Variants in ADAM12 observed in about 807,000 individuals in gnomAD.
ADAM12 encodes disintegrin and metalloproteinase domain-containing protein 12.
In ADAM12, 70 loss-of-function variants were observed where a neutral mutation model predicts 106.4. The observed-to-expected ratio is 0.66, with a 90% CI of 0.54 to 0.80. ADAM12 has a LOEUF of 0.80. Ranked by LOEUF, ADAM12 falls within the 30% of genes least tolerant of loss-of-function variation. The pLI, the probability that ADAM12 is intolerant of heterozygous loss-of-function variation, is 0.00. For synonymous variants in ADAM12, 420 were observed against 433.5 expected (o/e 0.97, Z 0.39); for missense variants, 1,010 against 1,171.9 (o/e 0.86, Z 2.02).
At chr10:126,110,140 C>T (rs941844034) in intron 6 of ADAM12, among the ~76,000 whole-genome samples, 21 of 152,202 alleles carry the variant, frequency 1.4e-4, no homozygotes, top group African/African-American at 4.6e-4. Context: ...AAAACGAGCA[C>T]ATAAACAAAC....
rs1028945134 is a variant in ADAM12, at chr10:126,253,799, G to A, written c.260+25116C>T. 3.9e-5 allele frequency among the ~76,000 whole-genome samples: 6 copies of A among 152,058 alleles called. No individual in the cohort carries two copies. In the East Asian group the frequency reaches 7.7e-4, roughly 20 times the overall value. ...CTGGGATAAGCAGGGAATGAGATGCGGTTCTTGCCTGGCCTGAGCTGGCAC... is the reference window on the plus strand; with the variant it reads ...CTGGGATAAGCAGGGAATGAGATGCAGTTCTTGCCTGGCCTGAGCTGGCAC... On this transcript the variant is annotated intron_variant, in intron 3 of 22. Coordinates refer to ENST00000448723, the MANE Select transcript of ADAM12 (RefSeq NM_001288973.2).
intron 3 of ADAM12, among the ~76,000 whole-genome samples, chr10:126,225,227 C>G (rs1399336979): frequency 6.6e-6 from 1 of 152,210 alleles, no homozygotes; most frequent in East Asian, 1.9e-4. Context: ...GCTGCCTTTG[C>G]TAAAGCACCA....
At chr10:126,356,951 CAATGGGAATTATGG>C (rs996557253) in intron 1 of ADAM12, among the ~76,000 whole-genome samples, 4 of 152,066 alleles carry the variant, frequency 2.6e-5, no homozygotes, top group Admixed American at 1.3e-4. Flanking sequence ...TGAAGGAAGC[CAATGGGAATTATGG>C]AATACCATCA....
chr10:126,245,276 C>T (rs12250635), intron 3 of ADAM12, among the ~76,000 whole-genome samples: 7 of 152,088 alleles, frequency 4.6e-5, no homozygotes, highest in Middle Eastern at 3.4e-3. Flanking sequence ...TGGGACCTGA[C>T]GTGAACCTGC....
At chr10:126,085,732 A>G (rs1955326433) in intron 11 of ADAM12, among the ~76,000 whole-genome samples, 1 of 152,070 alleles carries the variant, frequency 6.6e-6, no homozygotes, top group African/African-American at 2.4e-5. Context: ...CCTATTATTT[A>G]TCTATCCTTC....
chr10:126,128,871 G>A (rs1230061504), intron 5 of ADAM12, among the ~76,000 whole-genome samples: 4 of 148,150 alleles, frequency 2.7e-5, no homozygotes, highest in South Asian at 4.3e-4. Flanking sequence ...GCGCCTGTGC[G>A]AGTGTGTGGT....
chr10:126,230,410 T>C (rs910148697), intron 3 of ADAM12, among the ~76,000 whole-genome samples: 2 of 152,230 alleles, frequency 1.3e-5, no homozygotes, highest in African/African-American at 2.4e-5. Flanking sequence ...TTCCTGAGGA[T>C]AAATCCCTGA....
In ADAM12 at chr10:126,093,548, C is replaced by T. The variant is rs112912303; in HGVS notation, c.1145+437G>A. Among the ~76,000 whole-genome samples, 1,071 of 152,316 alleles carry T rather than the reference C, an allele frequency of 7.0e-3. 18 individuals are homozygous for T. The highest frequency in any genetic ancestry group is 0.025 in the African/African-American group (1,039 of 41,566). On this transcript the variant is annotated intron_variant, in intron 11 of 22. Transcript: ENST00000448723. ...CCTGGGGAAAGAAATACCTTCTACC[C>T]AGCACCCTCTAAAGACATGTGGCCC...
chr10:126,027,793 C>G (rs1237435358), intron 21 of ADAM12, among the ~76,000 whole-genome samples: 2 of 151,954 alleles, frequency 1.3e-5, no homozygotes, highest in African/African-American at 4.8e-5. Context: ...CCTTGAAAAC[C>G]AGCACAAGAT....
chr10:126,386,600 T>A lies in ADAM12; in HGVS notation c.88+1458A>T, dbSNP rs578214728. ...TACCAAAGCTGAACTCATAAAATAG[T>A]AAAAGTCCTCCCCCGCCCACACACA... On this transcript the variant is annotated intron_variant, in intron 1 of 22. Coordinates refer to ENST00000448723, the MANE Select transcript of ADAM12 (RefSeq NM_001288973.2). 5.9e-5 allele frequency among the ~76,000 whole-genome samples: 9 copies of A among 152,194 alleles called. No homozygotes were observed. In the East Asian group the frequency reaches 1.7e-3, roughly 29 times the overall value.
chr10:126,387,280 G>GC (rs1856696893), intron 1 of ADAM12, among the ~76,000 whole-genome samples: 1 of 152,182 alleles, frequency 6.6e-6, no homozygotes, highest in Non-Finnish European at 1.5e-5. Flanking sequence ...AGCCACAGGT[G>GC]CCCGATTTTA....
intron 3 of ADAM12, among the ~76,000 whole-genome samples, chr10:126,217,398 G>A (rs111307555): frequency 5.4e-5 from 8 of 148,360 alleles, no homozygotes; most frequent in Non-Finnish European, 8.9e-5. Context: ...ACGGAGTTTC[G>A]CTCTTGTTGA....
rs567188133 is a variant in ADAM12 at position 126,152,652 on chromosome 10, T to C, written c.339+2575A>G. On this transcript the variant is annotated intron_variant, in intron 4 of 22. Coordinates refer to ENST00000448723, the MANE Select transcript of ADAM12 (RefSeq NM_001288973.2). ...TCTTAGTTCTCACAACCATTTTATATTTTGGGTGTGAATCCTGTAAAAATG... is the reference window on the plus strand; with the variant it reads ...TCTTAGTTCTCACAACCATTTTATACTTTGGGTGTGAATCCTGTAAAAATG... Among the ~76,000 whole-genome samples, 6 of 152,140 alleles carry C rather than the reference T, an allele frequency of 3.9e-5. No individual in the cohort carries two copies. In the South Asian group the frequency reaches 1.2e-3, roughly 32 times the overall value.
chr10:126,336,017 A>C (rs1157545048), intron 1 of ADAM12, among the ~76,000 whole-genome samples: 1 of 152,246 alleles, frequency 6.6e-6, no homozygotes, highest in Non-Finnish European at 1.5e-5. Context: ...GATGAACCTA[A>C]GGAGACAGGA....
chr10:126,140,753 TTGAG>T (rs1228457692), intron 4 of ADAM12, among the ~76,000 whole-genome samples: 1 of 152,206 alleles, frequency 6.6e-6, no homozygotes, highest in East Asian at 1.9e-4. Context: ...ACAAATGTGA[TTGAG>T]TTTTTATAAC....
intron 3 of ADAM12, among the ~76,000 whole-genome samples, chr10:126,167,200 A>G (rs1174075906): frequency 6.6e-6 from 1 of 152,164 alleles, no homozygotes; most frequent in Non-Finnish European, 1.5e-5. Flanking sequence ...TTTTACAACA[A>G]TTTTGGCAGG....
intron 11 of ADAM12, among the ~76,000 whole-genome samples, chr10:126,082,363 G>GTT (rs5788763): frequency 0.037 from 2,960 of 80,646 alleles, 378 homozygotes; most frequent in Non-Finnish European, 0.048. Flanking sequence ...TCTAATGACT[G>GTT]TTTTTTTTTT....
At chr10:126,041,988 TGAGCCCC>T in intron 18 of ADAM12, 4 of 1,433,792 alleles carry the variant, frequency 2.8e-6, no homozygotes, top group Non-Finnish European at 3.6e-6. Context: ...CTTCCCCTCC[TGAGCCCC>T]GAGAACTGTG....
At chr10:126,361,642 G>C (rs1419094782) in intron 1 of ADAM12, among the ~76,000 whole-genome samples, 3 of 151,926 alleles carry the variant, frequency 2.0e-5, no homozygotes, top group Non-Finnish European at 4.4e-5. Context: ...AAACATATAC[G>C]GTCAATTGAT....
Sources: gnomAD v4.1 joint callset for allele counts (sites outside exome capture counted in the v4.1 genomes callset) on GRCh38, gnomAD v4.1.1 for gene constraint, MANE v1.5 for transcripts, NCBI Gene and HGNC (gene_info 2026-07-23, HGNC 2026-07-21) for gene names.